The following KRAS variants were observed in gnomAD, a reference collection of about 807,000 sequenced individuals.
The protein encoded by KRAS is KRas proto-oncogene, GTPase, also known as GTPase KRas.
A neutral mutation model predicts 21.0 loss-of-function variants in KRAS; 1 was observed. The observed-to-expected ratio is 0.05, with a 90% CI of 0.02 to 0.23. KRAS has a LOEUF of 0.23. Ranked by LOEUF, KRAS falls within the 10% of genes least tolerant of loss-of-function variation. The pLI is 1.00. For missense variants in KRAS, 107 were observed against 221.8 expected, an observed-to-expected ratio of 0.48 and a Z score of 3.29; for synonymous variants, 67 against 72.5, an observed-to-expected ratio of 0.92 and a Z score of 0.39.
intron 2 of KRAS, among the ~76,000 whole-genome samples, chr12:25,235,870 A>G (rs1450130024): frequency 6.6e-6 from 1 of 152,136 alleles, no homozygotes; most frequent in Admixed American, 6.5e-5. Flanking sequence ...AAACTGTTTC[A>G]CCTCAGACCA....
rs1951663851 is a variant in KRAS, at chr12:25,245,340, G to C, written c.45C>G (p.Gly15=). 6.2e-7 allele frequency: 1 copy of C among 1,612,844 alleles called. No individual in the cohort carries two copies. The highest frequency in any genetic ancestry group is 1.7e-5 in the Admixed American group (1 of 59,946). Residue 15 remains glycine (G), a synonymous_variant, in exon 2 of 5, where the codon GGC becomes GGG. Coordinates refer to ENST00000311936, the MANE Select transcript of KRAS (RefSeq NM_004985.5). Reference sequence around the variant, plus strand: ...TTAGCTGTATCGTCAAGGCACTCTTGCCTACGCCACCAGCTCCAACTACCA... The same window carrying C: ...TTAGCTGTATCGTCAAGGCACTCTTCCCTACGCCACCAGCTCCAACTACCA... ...KLVVVGAGGV[G]KSALTIQLIQ...
intron 2 of KRAS, among the ~76,000 whole-genome samples, chr12:25,241,447 ATTTTAAAAACAGAATG>A (rs144645169): frequency 0.028 from 4,191 of 152,304 alleles, 155 homozygotes; most frequent in African/African-American, 0.085. Context: ...TGTGTCTCTG[ATTTTAAAAACAGAATG>A]TTTTAATAGA....
At chr12:25,234,113 A>T (rs1300477474) in intron 2 of KRAS, 1 of 175,078 alleles carries the variant, frequency 5.7e-6, no homozygotes, top group Non-Finnish European at 1.2e-5. Flanking sequence ...TTATCAAGAC[A>T]ATGAAGCTGT....
chr12:25,236,601 T>C (rs1313858733), intron 2 of KRAS, among the ~76,000 whole-genome samples: 3 of 151,934 alleles, frequency 2.0e-5, no homozygotes, highest in Non-Finnish European at 2.9e-5. Context: ...ACTAGACTTT[T>C]GACTTCTATA....
At chr12:25,225,821 T>A (rs767725550) in intron 3 of KRAS, 48 bp from the exon 4 acceptor site, 1 of 1,562,194 alleles carries the variant, frequency 6.4e-7, no homozygotes, top group Non-Finnish European at 8.8e-7. Flanking sequence ...AACACAAATA[T>A]CTTTCAAAAC....
chr12:25,241,195 C>A (rs1192637954), intron 2 of KRAS, among the ~76,000 whole-genome samples: 1 of 152,120 alleles, frequency 6.6e-6, no homozygotes, highest in Non-Finnish European at 1.5e-5. Flanking sequence ...CTAATACAGA[C>A]AGTAATCTTT....
Position 25,250,805 on chromosome 12 carries a change from G to A in KRAS, c.-66C>T, listed in dbSNP as rs1951758816. ...CTCTGGCCCCGCCGCCGCCTTCAGT[G>A]CCTGCGCCGCGCTCGCTCCCAGTCC... is the stretch of plus-strand genomic sequence containing the variant. On this transcript the variant is annotated 5_prime_UTR_variant, in exon 1 of 5. Coordinates refer to ENST00000311936, the MANE Select transcript of KRAS (RefSeq NM_004985.5). The A allele has an allele frequency of 1.4e-5, 3 of 216,768 alleles. No individual in the cohort carries two copies. 13.4% of individuals were successfully genotyped at this position (216,768 alleles called of 1,614,324 possible).
chr12:25,245,221 TGTATCAAAGAATG>T, intron 2 of KRAS, 40 bp downstream of exon 2: 1 of 1,542,684 alleles, frequency 6.5e-7, no homozygotes. Context: ...AACCTTTATC[TGTATCAAAGAATG>T]GTCCTGCACC....
chr12:25,249,608 A>AAAAAAAAAAAAAAAAAAAAT (rs1592827940), intron 1 of KRAS, among the ~76,000 whole-genome samples: 1 of 149,240 alleles, frequency 6.7e-6, no homozygotes, highest in African/African-American at 2.4e-5. Context: ...AAAAAAAAAA[A>AAAAAAAAAAAAAAAAAAAAT]GGAGATGCAC....
intron 4 of KRAS, among the ~76,000 whole-genome samples, chr12:25,222,368 C>G (rs1951337949): frequency 6.6e-6 from 1 of 151,888 alleles, no homozygotes; most frequent in Non-Finnish European, 1.5e-5. Flanking sequence ...ATGCAAATAT[C>G]AAATTAATTT....
intron 3 of KRAS, among the ~76,000 whole-genome samples, chr12:25,226,177 A>G (rs901651226): frequency 3.3e-5 from 5 of 152,194 alleles, no homozygotes; most frequent in Admixed American, 2.0e-4. Flanking sequence ...CATAATTTTC[A>G]TATTACTTTT....
chr12:25,248,334 C>T (rs953484062), intron 1 of KRAS, among the ~76,000 whole-genome samples: 2 of 150,144 alleles, frequency 1.3e-5, no homozygotes, highest in African/African-American at 4.9e-5. Flanking sequence ...CCTGTAATCC[C>T]GGCTACTCGG....
At chr12:25,249,567 G>A (rs933290513) in intron 1 of KRAS, among the ~76,000 whole-genome samples, 6 of 111,842 alleles carry the variant, frequency 5.4e-5, no homozygotes, top group Non-Finnish European at 6.9e-5. Flanking sequence ...ACTCCAGCCT[G>A]GGCAACAGAG....
At chr12:25,229,317 T>C (rs1047802780) in intron 2 of KRAS, among the ~76,000 whole-genome samples, 3 of 152,154 alleles carry the variant, frequency 2.0e-5, no homozygotes, top group African/African-American at 4.8e-5. Context: ...ATCTATTTTA[T>C]CTATAGTCAA....
At chr12:25,244,978 A>G (rs1324875557) in intron 2 of KRAS, among the ~76,000 whole-genome samples, 1 of 152,168 alleles carries the variant, frequency 6.6e-6, no homozygotes, top group African/African-American at 2.4e-5. Flanking sequence ...CAATAAAAAG[A>G]TTGTCTTTTA....
Position 25,233,786 on chromosome 12 carries a change from T to G in KRAS, c.112-6374A>C, listed in dbSNP as rs1342838748. The G allele has an allele frequency of 1.9e-5, 4 of 206,358 alleles. No homozygotes were observed. The East Asian group carries it at 3.0e-4, about 15-fold the overall frequency. The allele number at this position is 206,358 out of a possible 1,614,324, so 12.8% of individuals were successfully genotyped here. The stretch of plus-strand genomic sequence containing the variant: ...AACAGTCTTGAACGCTATAGGTAAT[T>G]AGTACTGCCTCTTAAATAAGTGAAT... On this transcript the variant is annotated intron_variant, in intron 2 of 4. Transcript: ENST00000311936.
rs922332247 is a variant in KRAS at position 25,227,514 on chromosome 12, GCAAAGGACTTGAAAAGA to G, written c.112-119_112-103del. ...AACAAAAAATTCAATTTAAAAATGG[GCAAAGGACTTGAAAAGA>G]CATTGTTCCTGCTCCAAAGATGACG... On this transcript the variant is annotated intron_variant, in intron 2 of 4. Coordinates refer to ENST00000311936, the MANE Select transcript of KRAS (RefSeq NM_004985.5). 8.7e-6 allele frequency: 9 copies of G among 1,037,714 alleles called. No homozygotes were observed. The African/African-American group carries it at 1.4e-4, about 16-fold the overall frequency. The allele number at this position is 1,037,714 out of a possible 1,614,324, so 64.3% of individuals were successfully genotyped here.
Position 25,218,782 on chromosome 12 carries a change from T to C in KRAS, c.450+6832A>G, listed in dbSNP as rs938311832. Among the ~76,000 whole-genome samples, 7 of 152,280 alleles carry C rather than the reference T, an allele frequency of 4.6e-5. No individual in the cohort carries two copies. The South Asian group carries it at 1.2e-3, about 27-fold the overall frequency. On this transcript the variant is annotated intron_variant, in intron 4 of 4. Coordinates refer to ENST00000311936, the MANE Select transcript of KRAS (RefSeq NM_004985.5). ...TTTTTCACATTCCAAAATCTGTAGA[T>C]AATTTTTAAAGATAAAATATAGCTG...
At chr12:25,227,562 AT>A in intron 2 of KRAS, 150 bp from the exon 3 acceptor site, 1 of 657,328 alleles carries the variant, frequency 1.5e-6, no homozygotes, top group South Asian at 1.9e-5. Context: ...TGACGGACAA[AT>A]GGCCACTAAG....
Sources: allele counts gnomAD v4.1 joint callset (sites outside exome capture counted in the v4.1 genomes callset), GRCh38; gene constraint gnomAD v4.1.1; transcripts MANE v1.5; gene names NCBI Gene and HGNC (gene_info 2026-07-23, HGNC 2026-07-21).